The following NUMB variants were observed in gnomAD, a reference collection of about 807,000 sequenced individuals.
NUMB encodes protein numb homolog.
A neutral mutation model predicts 59.7 loss-of-function variants in NUMB; 29 were observed. That is an observed-to-expected ratio of 0.49 (90% confidence interval 0.36 to 0.66). The LOEUF is 0.66. Among genes scored for constraint, NUMB ranks in the 30% least tolerant of loss-of-function variants. The pLI is 0.00. For synonymous variants in NUMB, 288 were observed against 288.2 expected, an observed-to-expected ratio of 1.00 and a Z score of 0.01; for missense variants, 723 against 822.0, an observed-to-expected ratio of 0.88 and a Z score of 1.47.
intron 2 of NUMB, among the ~76,000 whole-genome samples, chr14:73,376,330 TAA>T (rs1355569900): frequency 1.3e-5 from 2 of 152,016 alleles, no homozygotes; most frequent in African/African-American, 4.8e-5. Context: ...GACTTAAGTA[TAA>T]GTCTAATCAA....
intron 2 of NUMB, among the ~76,000 whole-genome samples, chr14:73,373,103 A>G (rs1271584843): frequency 6.6e-6 from 1 of 152,202 alleles, no homozygotes; most frequent in Non-Finnish European, 1.5e-5. Flanking sequence ...CAATTTAGGA[A>G]GTATATTTCC....
chr14:73,332,780 C>T (rs1892061722), intron 4 of NUMB, among the ~76,000 whole-genome samples: 1 of 35,068 alleles, frequency 2.9e-5, no homozygotes, highest in African/African-American at 1.9e-4. Context: ...TCCCCACAGC[C>T]CCCGGCAACT....
At chr14:73,375,294 C>T (rs925500569) in intron 2 of NUMB, among the ~76,000 whole-genome samples, 1 of 152,138 alleles carries the variant, frequency 6.6e-6, no homozygotes, top group Non-Finnish European at 1.5e-5. Context: ...TATGTGCCAG[C>T]TATTAAGAGA....
At chr14:73,350,072 C>CAT in intron 4 of NUMB, among the ~76,000 whole-genome samples, 1 of 122,538 alleles carries the variant, frequency 8.2e-6, no homozygotes, top group African/African-American at 3.0e-5. Context: ...TACATACATA[C>CAT]ATACATACAC....
At chr14:73,442,797 G>T (rs1883161102) in intron 1 of NUMB, among the ~76,000 whole-genome samples, 1 of 152,160 alleles carries the variant, frequency 6.6e-6, no homozygotes, top group South Asian at 2.1e-4. Flanking sequence ...AAAACTTTTG[G>T]AGTGATCAGT....
intron 6 of NUMB, among the ~76,000 whole-genome samples, chr14:73,305,453 C>A (rs181784661): frequency 1.4e-4 from 21 of 151,848 alleles, no homozygotes; most frequent in Admixed American, 1.2e-3. Context: ...AGGTGCCATC[C>A]AACTCTAAAA....
In NUMB at chr14:73,369,936, G is replaced by A. The variant is rs1255348500; in HGVS notation, c.-100-2955C>T. On this transcript the variant is annotated intron_variant, in intron 2 of 12. Transcript: ENST00000555238. ...TATCTTAATTAACTTCTAATATCAT[G>A]ATGTGTTTTGCTTATATTGAATTTT... is the stretch of plus-strand genomic sequence containing the variant. Among the ~76,000 whole-genome samples, 4 of 152,248 alleles carry A rather than the reference G, an allele frequency of 2.6e-5. No individual in the cohort carries two copies. The East Asian group carries it at 7.7e-4, about 29-fold the overall frequency.
chr14:73,390,538 C>G (rs1895787361), intron 2 of NUMB, among the ~76,000 whole-genome samples: 1 of 151,806 alleles, frequency 6.6e-6, no homozygotes, highest in Non-Finnish European at 1.5e-5. Flanking sequence ...GATGTTCCCC[C>G]CACTGTTTCC....
At chr14:73,278,868 T>G (rs562457982) in intron 12 of NUMB, among the ~76,000 whole-genome samples, 3 of 151,720 alleles carry the variant, frequency 2.0e-5, no homozygotes, top group African/African-American at 7.3e-5. Flanking sequence ...GCTGGGACTA[T>G]ATGCGCATGC....
At chr14:73,308,013 G>A (rs531237198) in intron 6 of NUMB, among the ~76,000 whole-genome samples, 10 of 152,238 alleles carry the variant, frequency 6.6e-5, no homozygotes, top group South Asian at 4.1e-4. Context: ...GATTACAGGC[G>A]TGAGCCACCG....
intron 2 of NUMB, among the ~76,000 whole-genome samples, chr14:73,380,983 A>G (rs1431455815): frequency 6.6e-6 from 1 of 152,218 alleles, no homozygotes; most frequent in Non-Finnish European, 1.5e-5. Flanking sequence ...TCAGCCTCCC[A>G]AAGTGCTGGG....
intron 2 of NUMB, among the ~76,000 whole-genome samples, chr14:73,404,393 A>C (rs1013443137): frequency 1.3e-5 from 2 of 152,174 alleles, no homozygotes; most frequent in Non-Finnish European, 2.9e-5. Context: ...AATAGTTTGC[A>C]TTCAATAATA....
chr14:73,445,543 C>G (rs1278079966), intron 1 of NUMB, among the ~76,000 whole-genome samples: 2 of 151,982 alleles, frequency 1.3e-5, no homozygotes, highest in Non-Finnish European at 1.5e-5. Context: ...ATTTAATATA[C>G]AAGACTCTTT....
intron 2 of NUMB, among the ~76,000 whole-genome samples, chr14:73,390,775 G>A (rs1040236318): frequency 6.9e-6 from 1 of 145,284 alleles, no homozygotes; most frequent in African/African-American, 2.5e-5. Flanking sequence ...TCTGTATCCT[G>A]AGTAGCTGGG....
At chr14:73,374,878 G>T (rs539413885) in intron 2 of NUMB, among the ~76,000 whole-genome samples, 1 of 151,856 alleles carries the variant, frequency 6.6e-6, no homozygotes, top group African/African-American at 2.4e-5. Flanking sequence ...CCACCACCAT[G>T]CCCAGCTAAT....
chr14:73,403,302 T>C (rs1440842320), intron 2 of NUMB, among the ~76,000 whole-genome samples: 4 of 152,228 alleles, frequency 2.6e-5, no homozygotes, highest in African/African-American at 9.6e-5. Flanking sequence ...CAGATTTATG[T>C]AAGCTTTATA....
At chr14:73,405,019 A>C (rs563058747) in intron 2 of NUMB, among the ~76,000 whole-genome samples, 2 of 152,284 alleles carry the variant, frequency 1.3e-5, no homozygotes, top group African/African-American at 4.8e-5. Flanking sequence ...TCTGCCTCCC[A>C]AAGTGCTGGG....
intron 4 of NUMB, among the ~76,000 whole-genome samples, chr14:73,353,373 C>T (rs996754400): frequency 5.3e-5 from 8 of 150,724 alleles, no homozygotes; most frequent in African/African-American, 2.0e-4. Flanking sequence ...AGGTGTCAGC[C>T]ACTGTGCCTG....
chr14:73,440,772 G>C (rs1392171494), intron 1 of NUMB, among the ~76,000 whole-genome samples: 1 of 144,356 alleles, frequency 6.9e-6, no homozygotes, highest in Non-Finnish European at 1.5e-5. Context: ...AGGTTGCAGT[G>C]AGCTGAGATC....
Sources: allele counts gnomAD v4.1 joint callset (sites outside exome capture counted in the v4.1 genomes callset), GRCh38; gene constraint gnomAD v4.1.1; transcripts MANE v1.5; gene names NCBI Gene and HGNC (gene_info 2026-07-23, HGNC 2026-07-21).